Variants in ADGRG2 observed in about 807,000 individuals in gnomAD.
ADGRG2 encodes adhesion G protein-coupled receptor G2, also known as G protein-coupled receptor 64.
ADGRG2 carries 26 observed loss-of-function variants against 74.1 expected under a neutral mutation model. The ratio of observed to expected loss-of-function variants is 0.35; its 90% CI spans 0.26 to 0.49. The LOEUF (loss-of-function observed/expected upper bound fraction) is 0.49. Among genes scored for constraint, ADGRG2 ranks in the 20% least tolerant of loss-of-function variants. The pLI, the probability that ADGRG2 is intolerant of heterozygous loss-of-function variation, is 0.99. For synonymous variants in ADGRG2, 296 were observed against 295.2 expected, an observed-to-expected ratio of 1.00 and a Z score of -0.03; for missense variants, 619 against 763.1, an observed-to-expected ratio of 0.81 and a Z score of 2.22.
chrX:19,046,186 TACTC>T (rs1487566057), intron 3 of ADGRG2, among the ~76,000 whole-genome samples: 3 of 112,633 alleles, frequency 2.7e-5, no homozygotes, highest in African/African-American at 9.7e-5. Context: ...AAATTTGAAT[TACTC>T]ACCAACATTT....
At chrX:19,119,743 G>A (rs1250342244) in intron 1 of ADGRG2, among the ~76,000 whole-genome samples, 3 of 111,475 alleles carry the variant, frequency 2.7e-5, no homozygotes, top group African/African-American at 9.8e-5. Flanking sequence ...CATCAGCCAT[G>A]GAAAATCAGC....
chrX:19,097,043 G>T (rs1287747558), intron 1 of ADGRG2, among the ~76,000 whole-genome samples: 5 of 112,337 alleles, frequency 4.5e-5, no homozygotes, highest in Non-Finnish European at 9.4e-5. Flanking sequence ...TGGGCCTGCT[G>T]CCCTTCCTGC....
intron 7 of ADGRG2, 22 bp from the exon 8 acceptor site, chrX:19,033,676 AT>A: frequency 1.5e-6 from 1 of 652,427 alleles, no homozygotes; most frequent in Non-Finnish European, 2.5e-6. Flanking sequence ...CAACTTAAAT[AT>A]TAGAGAATAA....
intron 1 of ADGRG2, among the ~76,000 whole-genome samples, chrX:19,105,988 G>C (rs902210078): frequency 4.7e-5 from 5 of 106,287 alleles, no homozygotes; most frequent in Admixed American, 4.0e-4. Context: ...GCACATATTC[G>C]AGATAAGTAG....
chrX:19,070,698 C>G (rs1208160601), intron 2 of ADGRG2, among the ~76,000 whole-genome samples: 1 of 112,139 alleles, frequency 8.9e-6, no homozygotes, highest in East Asian at 2.8e-4. Flanking sequence ...CAAGGGCACT[C>G]ATGAATCCAG....
At chrX:19,052,641 C>T (rs1003155061) in intron 3 of ADGRG2, among the ~76,000 whole-genome samples, 12 of 108,005 alleles carry the variant, frequency 1.1e-4, no homozygotes, top group East Asian at 5.7e-4. Context: ...CACATATATA[C>T]GTTTATATAT....
chrX:19,040,102 T>C, intron 4 of ADGRG2, 87 bp downstream of exon 4: 1 of 639,174 alleles, frequency 1.6e-6, no homozygotes, highest in Non-Finnish European at 2.6e-6. Context: ...ACAATTTTGT[T>C]GTACCTGACT....
At chrX:18,996,505 C>T (rs2060020523) in intron 26 of ADGRG2, among the ~76,000 whole-genome samples, 1 of 110,282 alleles carries the variant, frequency 9.1e-6, no homozygotes, top group African/African-American at 3.3e-5. Flanking sequence ...TAGGCTCCTG[C>T]CTCTCCCTCC....
Position 19,002,895 on chromosome X carries a change from A to C in ADGRG2, c.2181T>G (p.Phe727Leu). The C allele has an allele frequency of 1.7e-6, 2 of 1,205,743 alleles. No individual in the cohort carries two copies. Among genetic ancestry groups the C allele is most frequent in the Non-Finnish European group, 2.2e-6 (2 of 889,992 alleles). ...GGATGTATTTTCGGATGTAAGTATT[A>C]AATACTTTGACAAGGGCCAGGTACA... ...FHMYLALVKV[F>L]NTYIRKYILK... The change falls in exon 24 of 29, where the codon TTT becomes TTG. Residue 727 changes from phenylalanine to leucine, a missense_variant. Phe to Leu is a conservative substitution (Grantham distance 22). Transcript: ENST00000379869.
At chrX:19,023,478 T>C (rs2060637712) in intron 12 of ADGRG2, 25 bp from the exon 13 acceptor site, 2 of 884,547 alleles carry the variant, frequency 2.3e-6, no homozygotes, top group East Asian at 3.1e-5. Flanking sequence ...AAAACACGTA[T>C]ACACATATAT....
At chrX:19,068,533 G>T (rs2061601757) in intron 3 of ADGRG2, among the ~76,000 whole-genome samples, 184 bp downstream of exon 3, 1 of 111,439 alleles carries the variant, frequency 9.0e-6, no homozygotes. Flanking sequence ...TTTTAGAAAT[G>T]GATAGCAGTG....
At chrX:19,115,895 G>A (rs929958990) in intron 1 of ADGRG2, among the ~76,000 whole-genome samples, 2 of 109,905 alleles carry the variant, frequency 1.8e-5, no homozygotes, top group Non-Finnish European at 3.8e-5. Context: ...TACAGACTGA[G>A]ACCCCATCTC....
intron 9 of ADGRG2, among the ~76,000 whole-genome samples, chrX:19,029,511 T>C (rs1000492498): frequency 3.6e-5 from 4 of 110,905 alleles, no homozygotes; most frequent in African/African-American, 9.9e-5. Flanking sequence ...TGAACCCAGA[T>C]TGGAACCTGC....
At chrX:19,105,483 A>C (rs2062267480) in intron 1 of ADGRG2, among the ~76,000 whole-genome samples, 1 of 111,001 alleles carries the variant, frequency 9.0e-6, no homozygotes, top group Admixed American at 9.7e-5. Flanking sequence ...ACAAGAACAG[A>C]AAACCAAACA....
chrX:19,014,797 TA>T (rs1885352726), intron 15 of ADGRG2, among the ~76,000 whole-genome samples: 1 of 111,272 alleles, frequency 9.0e-6, no homozygotes, highest in African/African-American at 3.3e-5. Context: ...CATGCCCGGC[TA>T]CTTTTTGTAT....
chrX:18,999,988 C>G (rs2060092898), intron 24 of ADGRG2, 28 bp from the exon 25 acceptor site: 4 of 768,319 alleles, frequency 5.2e-6, no homozygotes, highest in Non-Finnish European at 7.8e-6. Context: ...TTGGTCACAC[C>G]TAATTTTTTT....
intron 1 of ADGRG2, among the ~76,000 whole-genome samples, chrX:19,109,091 G>A (rs2062367527): frequency 9.0e-6 from 1 of 110,900 alleles, no homozygotes; most frequent in African/African-American, 3.3e-5. Flanking sequence ...CTCTAAATAT[G>A]TCCATGAAAT....
chrX:19,117,058 G>A (rs557383032), intron 1 of ADGRG2, among the ~76,000 whole-genome samples: 4 of 111,564 alleles, frequency 3.6e-5, no homozygotes, highest in African/African-American at 1.3e-4. Context: ...TTGGGAGACC[G>A]AGGCGGGTGG....
intron 3 of ADGRG2, among the ~76,000 whole-genome samples, chrX:19,054,992 A>T (rs1306166090): frequency 9.0e-6 from 1 of 111,641 alleles, no homozygotes; most frequent in Non-Finnish European, 1.9e-5. Flanking sequence ...TCTGCAGGAT[A>T]TCCATACTGC....
Sources: allele counts gnomAD v4.1 joint callset (sites outside exome capture counted in the v4.1 genomes callset), GRCh38; gene constraint gnomAD v4.1.1; transcripts MANE v1.5; gene names NCBI Gene and HGNC (gene_info 2026-07-23, HGNC 2026-07-21).